Variants in TACC2 observed in about 807,000 individuals in gnomAD.
TACC2 encodes the protein transforming acidic coiled-coil containing protein 2, also known as transforming acidic coiled-coil-containing protein 2.
In TACC2, 137 loss-of-function variants were observed where a neutral mutation model predicts 227.3. That is an observed-to-expected ratio of 0.60 (90% CI 0.52 to 0.69). The LOEUF (loss-of-function observed/expected upper bound fraction) is 0.69, where lower values mean the gene tolerates loss of function less well. TACC2 is among the 30% of genes least tolerant of loss of function. TACC2 has a pLI of 0.00. For missense variants in TACC2, 3,470 were observed against 3,694.4 expected (o/e 0.94, Z 1.57); for synonymous variants, 1,523 against 1,487.5 (o/e 1.02, Z -0.55).
intron 7 of TACC2, among the ~76,000 whole-genome samples, chr10:122,166,152 G>T (rs909188582): frequency 6.6e-6 from 1 of 152,162 alleles, no homozygotes; most frequent in African/African-American, 2.4e-5. Context: ...CTGCCGCGGG[G>T]GACAGCTCCT....
chr10:122,150,354 A>G lies in TACC2; in HGVS notation c.5834+6648A>G, dbSNP rs937216763. 1.3e-5 allele frequency among the ~76,000 whole-genome samples: 2 copies of G among 152,190 alleles called. No homozygotes were observed. Among genetic ancestry groups the G allele is most frequent in the African/African-American group, 4.8e-5 (2 of 41,464 alleles). On this transcript the variant is annotated intron_variant, in intron 7 of 22. Coordinates refer to ENST00000369005, the MANE Select transcript of TACC2 (RefSeq NM_206862.4). This position sits in a 1 kb window ranked among gnomAD's most constrained non-coding sequence, Gnocchi z 4.0. The stretch of plus-strand genomic sequence containing the variant: ...GCTCAGCACAGCACTGGTGGGTGGA[A>G]GGTTCCAGGGCAGTGTGGGGGCCCT...
Position 122,227,563 on chromosome 10 carries a change from A to G in TACC2, c.7725-274A>G, listed in dbSNP as rs74319909. On this transcript the variant is annotated intron_variant, in intron 13 of 22. Transcript: ENST00000369005. ...GGAAATGGAGGCACGGTATCCAGTC[A>G]CTTTCCCAGAGTCCACAACCAAGCA... Among the ~76,000 whole-genome samples the G allele has an allele frequency of 7.8e-3, 1,189 of 152,338 alleles. 23 individuals are homozygous for G. Among genetic ancestry groups the G allele is most frequent in the African/African-American group, 0.027 (1,106 of 41,578 alleles).
chr10:122,192,641 G>A (rs1283304472), intron 7 of TACC2: 1 of 453,850 alleles, frequency 2.2e-6, no homozygotes, highest in Non-Finnish European at 4.5e-6. Flanking sequence ...GGAATTAGGG[G>A]TGGGAATTTG....
chr10:122,176,498 T>A (rs2093725623), intron 7 of TACC2, among the ~76,000 whole-genome samples: 1 of 152,174 alleles, frequency 6.6e-6, no homozygotes, highest in Non-Finnish European at 1.5e-5. Flanking sequence ...TGTGAGGGAC[T>A]AGGGGACTCA....
chr10:121,991,276 A>C (rs1218031215), intron 1 of TACC2, among the ~76,000 whole-genome samples: 2 of 152,186 alleles, frequency 1.3e-5, no homozygotes, highest in Non-Finnish European at 2.9e-5. Context: ...GTTTACTGTC[A>C]TTTCAAACAT....
chr10:122,058,006 C>T (rs1261051798), intron 3 of TACC2, among the ~76,000 whole-genome samples: 1 of 152,210 alleles, frequency 6.6e-6, no homozygotes, highest in Non-Finnish European at 1.5e-5. Flanking sequence ...GATCCCCTTC[C>T]CTTTTGTGGT....
intron 9 of TACC2, among the ~76,000 whole-genome samples, chr10:122,213,677 CA>C (rs1026305131): frequency 6.6e-6 from 1 of 152,196 alleles, no homozygotes; most frequent in Non-Finnish European, 1.5e-5. Flanking sequence ...TGAAATCAAA[CA>C]TTTTTTTTAA....
At chr10:122,018,864 A>G (rs562069265) in intron 1 of TACC2, among the ~76,000 whole-genome samples, 9 of 152,142 alleles carry the variant, frequency 5.9e-5, no homozygotes, top group African/African-American at 2.2e-4. Flanking sequence ...AGCTTCCTCC[A>G]CCACCTCCAA....
Position 122,082,754 on chromosome 10 carries a change from A to C in TACC2, c.254A>C (p.Gln85Pro), listed in dbSNP as rs777133517. The C allele has an allele frequency of 6.2e-7, 1 of 1,614,040 alleles. No homozygotes were observed. The highest frequency in any genetic ancestry group is 8.5e-7 in the Non-Finnish European group (1 of 1,180,006). Residue 85 changes from glutamine to proline, a missense_variant, in exon 4 of 23, where the codon CAG becomes CCG. Physicochemically the swap from Gln to Pro is moderately conservative, Grantham distance 76. Around this residue, in one of 10 missense-constraint regions of TACC2, gnomAD observed 405 missense variants for 389.6 expected, o/e 1.04. Transcript: ENST00000369005. ...GTGACTGAGCCAAGGAAGGACCCAC[A>C]GGGAGCCAGGGGGCCAGAAGGTTCT... Reference protein sequence around the residue: ...PEVTEPRKDPQGARGPEGSLL... With the variant: ...PEVTEPRKDPPGARGPEGSLL...
At chr10:122,098,347 C>G (rs2081718885) in intron 5 of TACC2, among the ~76,000 whole-genome samples, 1 of 152,148 alleles carries the variant, frequency 6.6e-6, no homozygotes, top group Non-Finnish European at 1.5e-5. Context: ...TTACCCAGCA[C>G]CTGATACCTT....
intron 3 of TACC2, chr10:122,051,197 G>A (rs1242741058): frequency 6.6e-6 from 1 of 152,288 alleles, no homozygotes; most frequent in African/African-American, 2.4e-5. Context: ...GATTACAGGA[G>A]CCCGCCACCA....
intron 6 of TACC2, among the ~76,000 whole-genome samples, chr10:122,142,245 T>A (rs921342534): frequency 2.0e-5 from 3 of 152,248 alleles, no homozygotes; most frequent in African/African-American, 7.2e-5. Context: ...CAGCCCTGGC[T>A]CTGCTCCCAC....
chr10:122,060,733 G>A (rs2076693257), intron 3 of TACC2, among the ~76,000 whole-genome samples: 1 of 152,186 alleles, frequency 6.6e-6, no homozygotes, highest in Admixed American at 6.5e-5. Flanking sequence ...GGCCAGGTGC[G>A]GTGGCTCATG....
chr10:122,057,349 G>A (rs1215103512), intron 3 of TACC2, among the ~76,000 whole-genome samples: 1 of 152,156 alleles, frequency 6.6e-6, no homozygotes, highest in Non-Finnish European at 1.5e-5. Context: ...AGGAATGGTG[G>A]CCAGAAGGAA....
At chr10:122,149,360 A>G (rs2091781419) in intron 7 of TACC2, among the ~76,000 whole-genome samples, 1 of 152,222 alleles carries the variant, frequency 6.6e-6, no homozygotes, top group Non-Finnish European at 1.5e-5. Context: ...AGCTTCTTGC[A>G]GGGAGGAGGA....
At chr10:122,198,787 C>T (rs1411655461) in intron 8 of TACC2, among the ~76,000 whole-genome samples, 1 of 152,206 alleles carries the variant, frequency 6.6e-6, no homozygotes, top group Non-Finnish European at 1.5e-5. Flanking sequence ...GTGCGCCTAG[C>T]CTGGGGCAGG....
chr10:122,206,006 TAAGAG>T (rs1304342442), intron 8 of TACC2, among the ~76,000 whole-genome samples: 2 of 151,908 alleles, frequency 1.3e-5, no homozygotes, highest in Non-Finnish European at 2.9e-5. Flanking sequence ...TGCGGCAGCT[TAAGAG>T]AAGAGTCTGT....
intron 7 of TACC2, among the ~76,000 whole-genome samples, chr10:122,145,054 AG>A (rs2091185215): frequency 6.6e-6 from 1 of 152,232 alleles, no homozygotes; most frequent in South Asian, 2.1e-4. Context: ...TGGACATAGT[AG>A]GTGCACAACC....
At chr10:122,100,545 TC>T (rs1180316090) in intron 5 of TACC2, among the ~76,000 whole-genome samples, 1 of 151,002 alleles carries the variant, frequency 6.6e-6, no homozygotes, top group Non-Finnish European at 1.5e-5. Flanking sequence ...TGCCTCATCC[TC>T]CCAAGTGTCT....
Sources: gnomAD v4.1 joint callset for allele counts (sites outside exome capture counted in the v4.1 genomes callset) on GRCh38, gnomAD v4.1.1 for gene constraint, gnomAD v4.1.1 regional missense constraint, Gnocchi (gnomAD v3.1) non-coding constraint, MANE v1.5 for transcripts, NCBI Gene and HGNC (gene_info 2026-07-23, HGNC 2026-07-21) for gene names.